The following TTN variants were observed in gnomAD, a reference collection of about 807,000 sequenced individuals.
The protein encoded by TTN is titin.
TTN carries 1,525 observed loss-of-function variants against 3,223.0 expected under a neutral mutation model. The observed-to-expected ratio is 0.47, with a 90% confidence interval of 0.45 to 0.49. The LOEUF is 0.49. TTN is among the 20% of genes least tolerant of loss of function. The pLI is 0.00. For synonymous variants in TTN, 14,094 were observed against 15,161.0 expected (o/e 0.93, Z 5.17); for missense variants, 40,786 against 43,424.0 (o/e 0.94, Z 5.40).
chr2:178,805,113 C>T (rs760023688), intron 1 of TTN, among the ~76,000 whole-genome samples: 7 of 151,870 alleles, frequency 4.6e-5, no homozygotes, highest in East Asian at 1.9e-4. Context: ...GAGGCCGAGG[C>T]GGGAGGATTA....
chr2:178,600,726 C>T, intron 288 of TTN, 128 bp downstream of exon 288: 1 of 1,063,728 alleles, frequency 9.4e-7, no homozygotes, highest in Non-Finnish European at 1.4e-6. Context: ...GTAATGTGCC[C>T]ATGTCTACAT....
In TTN at chr2:178,675,758, T is replaced by A. The variant is rs1319663707; in HGVS notation, c.34454-4A>T. 1 of 1,479,668 alleles carries A rather than the reference T, an allele frequency of 6.8e-7. No homozygotes were observed. The highest frequency in any genetic ancestry group is 8.9e-7 in the Non-Finnish European group (1 of 1,121,058). The allele number at this position is 1,479,668 out of a possible 1,614,324, so 91.7% of individuals were successfully genotyped here. A position where few individuals can be genotyped will look rare whatever the true frequency, so the allele number is the denominator to read the frequency against. ...GGTTTCTTAGGTACCACAGACACTT[T>A]AAAAATATTATTTTATTTTATAAGT... On this transcript the variant is annotated splice_polypyrimidine_tract_variant and splice_region_variant and intron_variant, in intron 148 of 362. Coordinates refer to ENST00000589042, the MANE Select transcript of TTN (RefSeq NM_001267550.2).
At chr2:178,736,915 T>G (rs2081553086) in intron 49 of TTN, among the ~76,000 whole-genome samples, 1 of 152,174 alleles carries the variant, frequency 6.6e-6, no homozygotes, top group Non-Finnish European at 1.5e-5. Context: ...ACCTCATCGT[T>G]TTCACATTCA....
At chr2:178,528,219 A>C (rs1687360050) in intron 361 of TTN, 55 bp downstream of exon 361, 2 of 1,548,122 alleles carry the variant, frequency 1.3e-6, no homozygotes, top group African/African-American at 2.8e-5. Context: ...AGAGAGGCAA[A>C]AAAACGATCT....
intron 2 of TTN, among the ~76,000 whole-genome samples, chr2:178,803,454 T>G (rs1204886842): frequency 6.6e-6 from 1 of 151,804 alleles, no homozygotes; most frequent in African/African-American, 2.4e-5. Flanking sequence ...TATTTTCTAT[T>G]GTACATATAT....
At chr2:178,754,460 G>T (rs768254798) in intron 46 of TTN, among the ~76,000 whole-genome samples, 5 of 152,058 alleles carry the variant, frequency 3.3e-5, no homozygotes, top group Non-Finnish European at 5.9e-5. Context: ...GAATGAACTG[G>T]AGATCCTAGG....
In TTN at chr2:178,570,150, G is replaced by A. The variant is rs201776072; in HGVS notation, c.75982C>T (p.Pro25328Ser). The A allele has an allele frequency of 6.2e-7, 1 of 1,613,440 alleles. No homozygotes were observed. Among genetic ancestry groups the A allele is most frequent in the South Asian group, 1.1e-5 (1 of 91,062 alleles). Reference protein sequence around the residue: ...KDSMIVVWERPASDGGSEILG... With the variant: ...KDSMIVVWERSASDGGSEILG... ...ATTTCACTACCACCATCAGATGCTG[G>A]TCTTTCCCATACAACAATCATTGAG... is the stretch of plus-strand genomic sequence containing the variant. Residue 25328 changes from proline to serine, a missense_variant, in exon 326 of 363, where the codon CCA becomes TCA. Transcript: ENST00000589042.
Position 178,570,060 on chromosome 2 carries a change from G to C in TTN, c.76072C>G (p.Leu25358Val). 1 of 1,613,390 alleles carries C rather than the reference G, an allele frequency of 6.2e-7. No homozygotes were observed. Among genetic ancestry groups the C allele is most frequent in the Admixed American group, 1.7e-5 (1 of 59,982 alleles). ...ACTCTCAGGCGCAACTCTCCAATCA[G>C]ACGCTTATGGCATCTTGTCCATCTA... Reference protein sequence around the residue: ...GIRWTRCHKRLIGELRLRVTG... With the variant: ...GIRWTRCHKRVIGELRLRVTG... Residue 25358 changes from leucine (L) to valine (V), a missense_variant, in exon 326 of 363, where the codon CTG becomes GTG. Coordinates refer to ENST00000589042, the MANE Select transcript of TTN (RefSeq NM_001267550.2).
rs2046668527 is a variant in TTN, at chr2:178,577,362, T to G, written c.68973A>C (p.Ser22991=). ...GGGTTGAAGTTATCTGAGTGATATC[T>G]GATGGTCTAATGTCTTTTCCTGCCT... The part of the protein sequence containing the change: ...WSKAGKDIRP[S]DITQITSTPT... Residue 22991 remains serine, a synonymous_variant, in exon 324 of 363, where the codon TCA becomes TCC. Coordinates refer to ENST00000589042, the MANE Select transcript of TTN (RefSeq NM_001267550.2). The G allele has an allele frequency of 6.2e-7, 1 of 1,613,032 alleles. No individual in the cohort carries two copies. Among genetic ancestry groups the G allele is most frequent in the Non-Finnish European group, 8.5e-7 (1 of 1,179,528 alleles).
Position 178,604,706 on chromosome 2 carries a change from A to T in TTN, c.54381+2T>A. The T allele has an allele frequency of 6.3e-7, 1 of 1,599,634 alleles. No homozygotes were observed. The highest frequency in any genetic ancestry group is 8.5e-7 in the Non-Finnish European group (1 of 1,173,166). On this transcript the variant is annotated splice_donor_variant, in intron 281 of 362. Transcript: ENST00000589042. LOFTEE classifies it high-confidence loss of function. Reference sequence around the variant, plus strand: ...TATAAGAAAATATTCAGAAGAGTTTACCCCATATCTTTTCTCTACAGCAGT... The same window carrying T: ...TATAAGAAAATATTCAGAAGAGTTTTCCCCATATCTTTTCTCTACAGCAGT...
rs774486467 is a variant in TTN, at chr2:178,636,825, G to A, written c.40928-26C>T. On this transcript the variant is annotated intron_variant, in intron 224 of 362. Transcript: ENST00000589042. The surrounding 1 kb of genome is among the most constrained non-coding windows in gnomAD (Gnocchi z 4.3). ...CTAATTCAAAGTAAAATAAAAAGTT[G>A]ATTTGGCATCTCCTTAGGAGTCAGA... 2 of 1,535,990 alleles carry A rather than the reference G, an allele frequency of 1.3e-6. No individual in the cohort carries two copies. The highest frequency in any genetic ancestry group is 2.6e-5 in the South Asian group (2 of 76,234).
Position 178,563,214 on chromosome 2 carries a change from T to A in TTN, c.82918A>T (p.Thr27640Ser). The change falls in exon 326 of 363, where the codon ACT (threonine) becomes TCT (serine). Residue 27640 changes from threonine (T) to serine (S), a missense_variant. Physicochemically the swap from Thr to Ser is moderately conservative, Grantham distance 58 (BLOSUM62 1). Coordinates refer to ENST00000589042, the MANE Select transcript of TTN (RefSeq NM_001267550.2). The surrounding 1 kb of genome is among the most constrained non-coding windows in gnomAD (Gnocchi z 4.5). Reference sequence around the variant, plus strand: ...GCACAAATACGGAAGTTATATTCAGTGTTTTCTTTAAGCTTGGTCACTGTG... The same window carrying A: ...GCACAAATACGGAAGTTATATTCAGAGTTTTCTTTAAGCTTGGTCACTGTG... ...QFTVTKLKEN[T>S]EYNFRICAIN... 1 of 1,613,736 alleles carries A rather than the reference T, an allele frequency of 6.2e-7. No homozygotes were observed. Among genetic ancestry groups the A allele is most frequent in the Non-Finnish European group, 8.5e-7 (1 of 1,179,700 alleles).
At position 178,547,732 on chromosome 2, in the gene TTN, T is replaced by C. The variant is rs1351455671; in HGVS notation, c.93894A>G (p.Thr31298=). 6.2e-7 allele frequency: 1 copy of C among 1,613,778 alleles called. No homozygotes were observed. The highest frequency in any genetic ancestry group is 1.3e-5 in the African/African-American group (1 of 74,912). Residue 31298 remains threonine (T), a synonymous_variant, in exon 339 of 363, where the codon ACA becomes ACG. Coordinates refer to ENST00000589042, the MANE Select transcript of TTN (RefSeq NM_001267550.2). ...CAATGACCACAACTGTGACGCTAAATGTTTTAACACCAGCTGTATTTTCCA... is the reference window on the plus strand; with the variant it reads ...CAATGACCACAACTGTGACGCTAAACGTTTTAACACCAGCTGTATTTTCCA... ...LTLENTAGVK[T]FSVTVVVIGR...
Position 178,573,766 on chromosome 2 carries a change from T to A in TTN, c.72366A>T (p.Arg24122Ser). ...CCAAAGGTCCTTCAGGTGGGCCTGG[T>A]CTGTCAAGAACTTTGACATTGAAAA... ...KHIFNVKVLD[R>S]PGPPEGPLAV... is the part of the protein sequence containing the mutation. The change falls in exon 326 of 363, where the codon AGA becomes AGT. Residue 24122 changes from arginine (R) to serine (S), a missense_variant. Coordinates refer to ENST00000589042, the MANE Select transcript of TTN (RefSeq NM_001267550.2). 6.2e-7 allele frequency: 1 copy of A among 1,601,074 alleles called. No individual in the cohort carries two copies. The highest frequency in any genetic ancestry group is 8.5e-7 in the Non-Finnish European group (1 of 1,173,280).
At chr2:178,638,993 T>A (rs2060876883) in intron 223 of TTN, among the ~76,000 whole-genome samples, 1 of 152,048 alleles carries the variant, frequency 6.6e-6, no homozygotes, top group Non-Finnish European at 1.5e-5. Context: ...ATCACTTAAA[T>A]GATGAACTAT....
intron 49 of TTN, among the ~76,000 whole-genome samples, chr2:178,736,393 C>A (rs188238808): frequency 3.2e-4 from 48 of 152,270 alleles, no homozygotes; most frequent in East Asian, 5.8e-4. Flanking sequence ...TGAGCTGATA[C>A]TTTAATTCTG....
In TTN at chr2:178,554,972, G is replaced by A; in HGVS notation, c.88487C>T (p.Ala29496Val). Residue 29496 changes from alanine to valine, a missense_variant, in exon 331 of 363, where the codon GCA (alanine) becomes GTA (valine). Coordinates refer to ENST00000589042, the MANE Select transcript of TTN (RefSeq NM_001267550.2). ...ATCGGCATCTTTGATGAGTATAGATGCGAGGTCCGTGGTATTTTCAACACA... is the reference window on the plus strand; with the variant it reads ...ATCGGCATCTTTGATGAGTATAGATACGAGGTCCGTGGTATTTTCAACACA... ...LVCVENTTDL[A>V]SILIKDADRL... 3 of 1,613,698 alleles carry A rather than the reference G, an allele frequency of 1.9e-6. No individual in the cohort carries two copies. The highest frequency in any genetic ancestry group is 2.5e-6 in the Non-Finnish European group (3 of 1,179,792).
chr2:178,572,514 A>G lies in TTN; in HGVS notation c.73618T>C (p.Trp24540Arg). 6.2e-7 allele frequency: 1 copy of G among 1,613,446 alleles called. No individual in the cohort carries two copies. The highest frequency in any genetic ancestry group is 8.5e-7 in the Non-Finnish European group (1 of 1,179,608). ...EVTKTSVTLTWDPPLLDGGSK... is the reference protein window; with the variant it reads ...EVTKTSVTLTRDPPLLDGGSK... ...CCTCCATCAAGGAGAGGTGGGTCCC[A>G]TGTGAGTGTGACAGATGTCTTAGTG... is the stretch of plus-strand genomic sequence containing the variant. The change falls in exon 326 of 363, where the codon TGG becomes CGG. Residue 24540 changes from tryptophan (W) to arginine (R), a missense_variant. Physicochemically the swap from Trp to Arg is moderately radical, Grantham distance 101. Coordinates refer to ENST00000589042, the MANE Select transcript of TTN (RefSeq NM_001267550.2).
Position 178,776,472 on chromosome 2 carries a change from T to C in TTN, c.5392A>G (p.Lys1798Glu), listed in dbSNP as rs2092240417. The C allele has an allele frequency of 5.6e-6, 9 of 1,608,142 alleles. No individual in the cohort carries two copies. Among genetic ancestry groups the C allele is most frequent in the Non-Finnish European group, 7.6e-6 (9 of 1,179,982 alleles). The change falls in exon 28 of 363, where the codon AAA becomes GAA. Residue 1798 changes from lysine to glutamate, a missense_variant. Physicochemically the swap from Lys to Glu is moderately conservative, Grantham distance 56. Transcript: ENST00000589042. ...AATTGGGATTCTTCCACAAGACTTT[T>C]CTCATCTTTAACAATAAGGGTAGCA... ...TSATLIVKDEKSLVEESQLPE... is the reference protein window; with the variant it reads ...TSATLIVKDEESLVEESQLPE...
Sources: allele counts gnomAD v4.1 joint callset (sites outside exome capture counted in the v4.1 genomes callset), GRCh38; gene constraint gnomAD v4.1.1; non-coding constraint Gnocchi (gnomAD v3.1); transcripts MANE v1.5; gene names NCBI Gene and HGNC (gene_info 2026-07-23, HGNC 2026-07-21).